SLC4A10: variants seen among roughly 807,000 people sequenced by gnomAD.
The protein encoded by SLC4A10 is sodium-driven chloride bicarbonate exchanger.
Under a neutral mutation model 137.7 loss-of-function variants are expected in SLC4A10, and 42 were observed. The ratio of observed to expected loss-of-function variants is 0.30; its 90% CI spans 0.24 to 0.39. SLC4A10 has a LOEUF of 0.39. Among genes scored for constraint, SLC4A10 ranks in the 10% least tolerant of loss-of-function variants. The pLI, the probability that SLC4A10 is intolerant of heterozygous loss-of-function variation, is 1.00. For missense variants in SLC4A10, 925 were observed against 1,355.0 expected (o/e 0.68, Z 4.98); for synonymous variants, 474 against 464.1 (o/e 1.02, Z -0.27).
intron 2 of SLC4A10, among the ~76,000 whole-genome samples, chr2:161,792,688 A>G (rs1486238533): frequency 6.6e-6 from 1 of 152,154 alleles, no homozygotes. Flanking sequence ...GTAGCTACCA[A>G]TTAGGACATG....
rs558795956 is a variant in SLC4A10, at chr2:161,813,708, A to G, written c.277+9113A>G. ...TTCTAGTATTTGAGAAAATATATTT[A>G]TATCATCTTACAAGTATTTCATGAG... On this transcript the variant is annotated intron_variant, in intron 3 of 26. Transcript: ENST00000446997. 2.6e-5 allele frequency among the ~76,000 whole-genome samples: 4 copies of G among 152,216 alleles called. No individual in the cohort carries two copies. The South Asian group carries it at 6.2e-4, about 24-fold the overall frequency.
intron 1 of SLC4A10, among the ~76,000 whole-genome samples, chr2:161,755,130 A>G (rs1488108820): frequency 6.6e-6 from 1 of 152,208 alleles, no homozygotes; most frequent in Non-Finnish European, 1.5e-5. Flanking sequence ...AGACTCATTG[A>G]ACACAATTTT....
At chr2:161,768,045 G>A (rs560931366) in intron 1 of SLC4A10, among the ~76,000 whole-genome samples, 3 of 151,900 alleles carry the variant, frequency 2.0e-5, no homozygotes, top group African/African-American at 4.8e-5. Flanking sequence ...TTCTTTCCTA[G>A]CATCTTAGTC....
chr2:161,820,922 TG>T (rs2057565025), intron 3 of SLC4A10, among the ~76,000 whole-genome samples: 1 of 152,344 alleles, frequency 6.6e-6, no homozygotes, highest in African/African-American at 2.4e-5. Context: ...TGAGAACTTA[TG>T]TTTTTTTGCA....
intron 7 of SLC4A10, 71 bp from the exon 8 acceptor site, chr2:161,873,845 C>T (rs761518799): frequency 1.6e-4 from 237 of 1,456,374 alleles, no homozygotes; most frequent in Non-Finnish European, 2.1e-4. Context: ...TGCATGCTCT[C>T]CCTCTGGTGC....
At chr2:161,706,224 T>C (rs2043646029) in intron 1 of SLC4A10, among the ~76,000 whole-genome samples, 1 of 151,608 alleles carries the variant, frequency 6.6e-6, no homozygotes, top group Admixed American at 6.6e-5. Flanking sequence ...AATTGGGGAT[T>C]ATATATACTA....
At chr2:161,926,145 A>G (rs1689032710) in intron 15 of SLC4A10, among the ~76,000 whole-genome samples, 2 of 151,966 alleles carry the variant, frequency 1.3e-5, no homozygotes, top group Admixed American at 1.3e-4. Context: ...TAATGTTGAC[A>G]GTGGGATGTT....
intron 2 of SLC4A10, among the ~76,000 whole-genome samples, chr2:161,789,585 C>G (rs2053995349): frequency 6.6e-6 from 1 of 152,024 alleles, no homozygotes; most frequent in African/African-American, 2.4e-5. Context: ...ACAAAGGCTA[C>G]TATATCACTA....
At chr2:161,717,540 A>G (rs1008908284) in intron 1 of SLC4A10, among the ~76,000 whole-genome samples, 2 of 152,056 alleles carry the variant, frequency 1.3e-5, no homozygotes, top group African/African-American at 4.8e-5. Context: ...TCTGCATCTA[A>G]TGAGATAATC....
At chr2:161,927,434 A>G (rs1192448915) in intron 15 of SLC4A10, among the ~76,000 whole-genome samples, 2 of 152,108 alleles carry the variant, frequency 1.3e-5, no homozygotes, top group African/African-American at 4.8e-5. Context: ...ACTTCTCTGT[A>G]TTGGTTATTT....
At chr2:161,972,010 A>C (rs1330849094) in intron 23 of SLC4A10, among the ~76,000 whole-genome samples, 1 of 152,176 alleles carries the variant, frequency 6.6e-6, no homozygotes, top group Non-Finnish European at 1.5e-5. Flanking sequence ...TTGAATCTTG[A>C]ACATTCGTTT....
rs1690748941 is a variant in SLC4A10 at position 161,933,160 on chromosome 2, T to C, written c.1998-9632T>C. The stretch of plus-strand genomic sequence containing the variant: ...CTTTCTTTTCTTCTTTCTTTCCTCT[T>C]TCTTTCTCTTTCCCCTTCCTTCTTT... On this transcript the variant is annotated intron_variant, in intron 15 of 26. Coordinates refer to ENST00000446997, the MANE Select transcript of SLC4A10 (RefSeq NM_001178015.2). Among the ~76,000 whole-genome samples the C allele has an allele frequency of 2.0e-5, 3 of 151,174 alleles. No individual in the cohort carries two copies. The South Asian group carries it at 6.3e-4, about 32-fold the overall frequency.
At chr2:161,767,949 T>C (rs1574862863) in intron 1 of SLC4A10, among the ~76,000 whole-genome samples, 2 of 152,062 alleles carry the variant, frequency 1.3e-5, no homozygotes, top group African/African-American at 4.8e-5. Flanking sequence ...AAAAAAGGTG[T>C]CCCTATCTTT....
intron 6 of SLC4A10, among the ~76,000 whole-genome samples, chr2:161,864,724 C>T (rs1338496093): frequency 6.6e-6 from 1 of 152,042 alleles, no homozygotes; most frequent in Non-Finnish European, 1.5e-5. Context: ...TGCTTTGAAT[C>T]AAATCATATA....
chr2:161,947,967 T>C (rs1482149481), intron 17 of SLC4A10, among the ~76,000 whole-genome samples: 2 of 152,104 alleles, frequency 1.3e-5, no homozygotes, highest in Non-Finnish European at 2.9e-5. Context: ...CTGACGTTTT[T>C]GGAAATTCAC....
intron 1 of SLC4A10, among the ~76,000 whole-genome samples, chr2:161,670,012 G>C (rs1354343768): frequency 1.3e-5 from 2 of 152,068 alleles, no homozygotes; most frequent in Non-Finnish European, 2.9e-5. Context: ...GTGTCTTGCT[G>C]TTTCTCTGAT....
chr2:161,730,589 T>C (rs1201078106), intron 1 of SLC4A10, among the ~76,000 whole-genome samples: 1 of 152,202 alleles, frequency 6.6e-6, no homozygotes, highest in Admixed American at 6.5e-5. Context: ...AGAGCCGACT[T>C]CCTTGTGTAG....
chr2:161,842,664 A>G (rs573760963), intron 4 of SLC4A10, among the ~76,000 whole-genome samples: 2 of 152,142 alleles, frequency 1.3e-5, no homozygotes, highest in African/African-American at 4.8e-5. Context: ...AATTTAAAAT[A>G]GTTTTTATTT....
intron 1 of SLC4A10, among the ~76,000 whole-genome samples, chr2:161,640,538 C>T (rs577137881): frequency 6.6e-6 from 1 of 152,180 alleles, no homozygotes; most frequent in Admixed American, 6.5e-5. Context: ...TTTTGTATTC[C>T]ATTTACAACT....
Sources: gnomAD v4.1 joint callset for allele counts (sites outside exome capture counted in the v4.1 genomes callset) on GRCh38, gnomAD v4.1.1 for gene constraint, MANE v1.5 for transcripts, NCBI Gene and HGNC (gene_info 2026-07-23, HGNC 2026-07-21) for gene names.